Variants in THSD7A observed in about 807,000 individuals in gnomAD.
THSD7A encodes the protein thrombospondin type 1 domain containing 7A, also known as thrombospondin type-1 domain-containing protein 7A.
In THSD7A, 96 loss-of-function variants were observed where a neutral mutation model predicts 231.3. That is an observed-to-expected ratio of 0.41 (90% CI 0.35 to 0.49). THSD7A has a LOEUF of 0.49. THSD7A is among the 20% of genes least tolerant of loss of function. THSD7A has a pLI of 0.05. For missense variants in THSD7A, 2,290 were observed against 2,070.2 expected (o/e 1.11, Z -2.06); for synonymous variants, 940 against 743.3 (o/e 1.26, Z -4.30).
intron 1 of THSD7A, among the ~76,000 whole-genome samples, chr7:11,777,323 G>A (rs1018930795): frequency 6.6e-6 from 1 of 151,788 alleles, no homozygotes; most frequent in African/African-American, 2.4e-5. Context: ...CACAGAAAAT[G>A]CTAGAGCCAA....
chr7:11,806,541 G>T (rs1468959835), intron 1 of THSD7A, among the ~76,000 whole-genome samples: 1 of 151,346 alleles, frequency 6.6e-6, no homozygotes, highest in Non-Finnish European at 1.5e-5. Flanking sequence ...AGTATTTCAG[G>T]CAATGCTGCA....
chr7:11,520,265 A>C (rs1159701010), intron 6 of THSD7A: 1 of 152,180 alleles, frequency 6.6e-6, no homozygotes, highest in Non-Finnish European at 1.5e-5. Flanking sequence ...TAATCTCATG[A>C]TGCTAGTTCT....
At chr7:11,558,624 T>G (rs1789946869) in intron 4 of THSD7A, among the ~76,000 whole-genome samples, 1 of 152,170 alleles carries the variant, frequency 6.6e-6, no homozygotes, top group South Asian at 2.1e-4. Flanking sequence ...TTAAAGAAAT[T>G]TCTAAAGAAC....
At chr7:11,517,353 C>CG in intron 6 of THSD7A, among the ~76,000 whole-genome samples, 1 of 152,156 alleles carries the variant, frequency 6.6e-6, no homozygotes, top group East Asian at 1.9e-4. Flanking sequence ...GCTGGGATTA[C>CG]AGGCGTGAGC....
chr7:11,737,616 G>T (rs903650550), intron 1 of THSD7A, among the ~76,000 whole-genome samples: 3 of 151,914 alleles, frequency 2.0e-5, no homozygotes, highest in Non-Finnish European at 4.4e-5. Flanking sequence ...TAAGGACAGG[G>T]ATCCAAACTT....
At chr7:11,622,315 T>A (rs960036858) in intron 2 of THSD7A, among the ~76,000 whole-genome samples, 5 of 152,036 alleles carry the variant, frequency 3.3e-5, no homozygotes, top group African/African-American at 1.2e-4. Flanking sequence ...TTCTCTTTTG[T>A]TTTCAATTAT....
At chr7:11,551,047 C>G (rs906210631) in intron 4 of THSD7A, among the ~76,000 whole-genome samples, 3 of 152,006 alleles carry the variant, frequency 2.0e-5, no homozygotes, top group Non-Finnish European at 1.5e-5. Flanking sequence ...AAGTCACACA[C>G]TTATAGCCAT....
At chr7:11,497,999 AT>A (rs2128309185) in intron 6 of THSD7A, among the ~76,000 whole-genome samples, 1 of 152,224 alleles carries the variant, frequency 6.6e-6, no homozygotes, top group African/African-American at 2.4e-5. Flanking sequence ...CTTCAGTCCA[AT>A]ATAGCTATGT....
chr7:11,766,463 A>ACCAAAAATTATACTCTC (rs143286577), intron 1 of THSD7A, among the ~76,000 whole-genome samples: 4,967 of 152,226 alleles, frequency 0.033, 283 homozygotes, highest in African/African-American at 0.11. Flanking sequence ...AGGGTATTGA[A>ACCAAAAATTATACTCTC]CCAATATTCT....
intron 2 of THSD7A, among the ~76,000 whole-genome samples, chr7:11,618,350 T>G (rs959493838): frequency 6.6e-6 from 1 of 152,170 alleles, no homozygotes. Context: ...AAGATGTATA[T>G]TTTATATAAT....
chr7:11,749,014 G>T (rs111825563), intron 1 of THSD7A, among the ~76,000 whole-genome samples: 2,464 of 151,996 alleles, frequency 0.016, 54 homozygotes, highest in African/African-American at 0.056. Context: ...GTCACCCCAA[G>T]ATCCGTCCAC....
chr7:11,413,721 T>C (rs1265189795), intron 17 of THSD7A: 1 of 152,198 alleles, frequency 6.6e-6, no homozygotes, highest in Non-Finnish European at 1.5e-5. Flanking sequence ...GGTGTAGACA[T>C]AAATGATTGC....
chr7:11,758,773 T>G (rs148398220), intron 1 of THSD7A, among the ~76,000 whole-genome samples: 1,531 of 152,198 alleles, frequency 0.01, 20 homozygotes, highest in African/African-American at 0.034. Flanking sequence ...TCAAAGTTTT[T>G]CTGTAGATGA....
rs554506687 is a variant in THSD7A at position 11,771,435 on chromosome 7, A to T, written c.190+60322T>A. Among the ~76,000 whole-genome samples, 34 of 152,280 alleles carry T rather than the reference A, an allele frequency of 2.2e-4. 1 individual carries two copies. In the South Asian group the frequency reaches 6.6e-3, roughly 30 times the overall value. ...ACATTTATAATTAAATAAATAGAAA[A>T]TAAATAAAGCCAATGCAAAATATGT... On this transcript the variant is annotated intron_variant, in intron 1 of 27. Transcript: ENST00000423059.
intron 23 of THSD7A, among the ~76,000 whole-genome samples, chr7:11,392,045 A>G (rs538679718): frequency 6.6e-6 from 1 of 152,000 alleles, no homozygotes; most frequent in African/African-American, 2.4e-5. Context: ...CTATTTGGCC[A>G]TCTTGCCCAG....
At chr7:11,572,771 G>T (rs1400949023) in intron 4 of THSD7A, among the ~76,000 whole-genome samples, 6 of 152,020 alleles carry the variant, frequency 3.9e-5, no homozygotes. Context: ...CTCCCAGAGT[G>T]CTGGGATTAA....
chr7:11,622,227 G>T (rs1449860061), intron 2 of THSD7A, among the ~76,000 whole-genome samples: 5 of 151,962 alleles, frequency 3.3e-5, no homozygotes, highest in African/African-American at 1.2e-4. Flanking sequence ...ATCACATATA[G>T]ATTTTTCCTC....
At chr7:11,386,556 G>A (rs1338199234) in intron 23 of THSD7A, among the ~76,000 whole-genome samples, 1 of 151,816 alleles carries the variant, frequency 6.6e-6, no homozygotes, top group Admixed American at 6.6e-5. Context: ...CTTTTTGATG[G>A]CATTGTTTTT....
chr7:11,790,019 C>T (rs1783901375), intron 1 of THSD7A, among the ~76,000 whole-genome samples: 1 of 151,852 alleles, frequency 6.6e-6, no homozygotes, highest in Non-Finnish European at 1.5e-5. Flanking sequence ...AAAATATTTG[C>T]ACTGCATTGA....
Sources: gnomAD v4.1 joint callset for allele counts (sites outside exome capture counted in the v4.1 genomes callset) on GRCh38, gnomAD v4.1.1 for gene constraint, MANE v1.5 for transcripts, NCBI Gene and HGNC (gene_info 2026-07-23, HGNC 2026-07-21) for gene names.